Variants in UBR1 observed in about 807,000 individuals in gnomAD.
The protein encoded by UBR1 is E3 ubiquitin-protein ligase UBR1.
UBR1 carries 102 observed loss-of-function variants against 242.1 expected under a neutral mutation model. The ratio of observed to expected loss-of-function variants is 0.42; its 90% CI spans 0.36 to 0.50. The LOEUF (loss-of-function observed/expected upper bound fraction) is 0.50. UBR1 is among the 20% of genes least tolerant of loss of function. The pLI, the probability that UBR1 is intolerant of heterozygous loss-of-function variation, is 0.01. For missense variants in UBR1, 1,772 were observed against 2,101.8 expected (o/e 0.84, Z 3.07); for synonymous variants, 675 against 684.8 (o/e 0.99, Z 0.22).
intron 2 of UBR1, among the ~76,000 whole-genome samples, chr15:43,084,515 G>A (rs1056560316): frequency 1.3e-5 from 2 of 152,204 alleles, no homozygotes; most frequent in Admixed American, 1.3e-4. Context: ...GGAGTGCAGT[G>A]GCACAATCTC....
intron 37 of UBR1, 66 bp from the exon 38 acceptor site, chr15:42,978,013 A>C: frequency 7.7e-7 from 1 of 1,292,300 alleles, no homozygotes; most frequent in Non-Finnish European, 1.1e-6. Context: ...ATAAAATGCA[A>C]GCTAAAAACA....
intron 37 of UBR1, among the ~76,000 whole-genome samples, chr15:42,978,247 AAG>A (rs1227432005): frequency 6.6e-6 from 1 of 152,242 alleles, no homozygotes; most frequent in African/African-American, 2.4e-5. Context: ...AATGAATGAG[AAG>A]AGTTACTTTT....
chr15:43,101,924 C>T (rs952522683), intron 1 of UBR1, among the ~76,000 whole-genome samples: 21 of 144,316 alleles, frequency 1.5e-4, no homozygotes, highest in African/African-American at 5.1e-4. Flanking sequence ...GCCGAGATCT[C>T]GCCACGCACT....
chr15:43,014,659 G>C (rs998481877), intron 29 of UBR1, among the ~76,000 whole-genome samples: 3 of 151,712 alleles, frequency 2.0e-5, no homozygotes, highest in Admixed American at 2.0e-4. Flanking sequence ...CCCCTTCTAA[G>C]AAGTGAGGAG....
At chr15:43,067,337 G>A (rs1567141999) in intron 6 of UBR1, among the ~76,000 whole-genome samples, 1 of 151,794 alleles carries the variant, frequency 6.6e-6, no homozygotes, top group Non-Finnish European at 1.5e-5. Context: ...TAAACCATGC[G>A]GTTTTTAAAA....
intron 33 of UBR1, among the ~76,000 whole-genome samples, chr15:42,993,255 A>C (rs977730832): frequency 2.0e-5 from 3 of 151,958 alleles, no homozygotes; most frequent in African/African-American, 7.2e-5. Context: ...TTAAATTTTG[A>C]CTTTAGTTCC....
At chr15:42,991,160 C>T (rs1382141352) in intron 33 of UBR1, among the ~76,000 whole-genome samples, 1 of 151,846 alleles carries the variant, frequency 6.6e-6, no homozygotes, top group Non-Finnish European at 1.5e-5. Context: ...CCTGTAATCC[C>T]AGTTACCTGA....
chr15:43,028,341 T>C (rs781464186), intron 21 of UBR1, among the ~76,000 whole-genome samples: 10 of 152,220 alleles, frequency 6.6e-5, no homozygotes, highest in Non-Finnish European at 1.2e-4. Flanking sequence ...TAGGGAACAC[T>C]ATTTTTTTAC....
In UBR1 at chr15:42,976,881, A is replaced by C; in HGVS notation, c.4219-14T>G. On this transcript the variant is annotated splice_polypyrimidine_tract_variant and intron_variant, in intron 38 of 46. Coordinates refer to ENST00000290650, the MANE Select transcript of UBR1 (RefSeq NM_174916.3). ...CACAGCACCCACCTATGAGAGAAAAATGGACATCAATATGGCTAATGATAA... is the reference window on the plus strand; with the variant it reads ...CACAGCACCCACCTATGAGAGAAAACTGGACATCAATATGGCTAATGATAA... The C allele has an allele frequency of 2.5e-6, 4 of 1,612,288 alleles. No homozygotes were observed. Among genetic ancestry groups the C allele is most frequent in the Non-Finnish European group, 3.4e-6 (4 of 1,178,976 alleles).
chr15:43,005,394 C>T (rs7162021), intron 30 of UBR1, among the ~76,000 whole-genome samples: 577 of 7,712 alleles, frequency 0.075, 1 homozygote, highest in Middle Eastern at 0.11. Flanking sequence ...AGCCCCCGCC[C>T]GGCCAGCCGC....
intron 10 of UBR1, among the ~76,000 whole-genome samples, chr15:43,057,379 G>C (rs930939572): frequency 6.6e-6 from 1 of 152,026 alleles, no homozygotes; most frequent in African/African-American, 2.4e-5. Flanking sequence ...TCCATCTTGG[G>C]TCCTATATCT....
chr15:43,047,052 C>T (rs1270957446), intron 14 of UBR1, 109 bp downstream of exon 14: 1 of 1,300,550 alleles, frequency 7.7e-7, no homozygotes, highest in Non-Finnish European at 1.1e-6. Flanking sequence ...TAAAAAGCTA[C>T]TATAAATAAT....
chr15:43,080,752 T>C (rs1209251140), intron 3 of UBR1, among the ~76,000 whole-genome samples: 8 of 151,954 alleles, frequency 5.3e-5, no homozygotes, highest in Non-Finnish European at 1.2e-4. Flanking sequence ...GTCAGGAGTT[T>C]GAGACCAGCT....
intron 31 of UBR1, 79 bp downstream of exon 31, chr15:43,003,758 A>G: frequency 3.1e-6 from 4 of 1,277,554 alleles, no homozygotes; most frequent in Non-Finnish European, 4.6e-6. Flanking sequence ...AAGACATGAG[A>G]AAACATGCCT....
At position 43,021,294 on chromosome 15, in the gene UBR1, A is replaced by G; in HGVS notation, c.2921T>C (p.Met974Thr). ...GIPQLEGQKDMITWILQMFDT... is the reference protein window; with the variant it reads ...GIPQLEGQKDTITWILQMFDT... Reference sequence around the variant, plus strand: ...GTTTACCTGAAGTATCCACGTTATCATGTCCTTCTGGCCTTCTAACTGGGG... The same window carrying G: ...GTTTACCTGAAGTATCCACGTTATCGTGTCCTTCTGGCCTTCTAACTGGGG... The change falls in exon 27 of 47, where the codon ATG becomes ACG. Residue 974 changes from methionine to threonine, a missense_variant. Met to Thr is a moderately conservative substitution (Grantham distance 81). Coordinates refer to ENST00000290650, the MANE Select transcript of UBR1 (RefSeq NM_174916.3). 6.2e-7 allele frequency: 1 copy of G among 1,613,708 alleles called. No homozygotes were observed. The highest frequency in any genetic ancestry group is 1.7e-5 in the Admixed American group (1 of 60,012).
chr15:43,098,703 T>C lies in UBR1; in HGVS notation c.81+7239A>G, dbSNP rs146001259. ...TAGTTAGTGGGGCTGAATCAGTCAT[T>C]TTGACTTAGAGTTTTAGAACTCAAT... On this transcript the variant is annotated intron_variant, in intron 1 of 46. Coordinates refer to ENST00000290650, the MANE Select transcript of UBR1 (RefSeq NM_174916.3). Among the ~76,000 whole-genome samples the C allele has an allele frequency of 9.2e-3, 1,407 of 152,260 alleles. 17 individuals are homozygous for C. The highest frequency in any genetic ancestry group is 0.032 in the African/African-American group (1,340 of 41,560).
chr15:43,083,367 A>C (rs1210438095), intron 2 of UBR1, among the ~76,000 whole-genome samples: 4 of 151,970 alleles, frequency 2.6e-5, no homozygotes, highest in Non-Finnish European at 5.9e-5. Flanking sequence ...TGCAAAGTGC[A>C]GGATTATTAT....
At chr15:43,069,341 A>G (rs2033794919) in intron 5 of UBR1, among the ~76,000 whole-genome samples, 1 of 151,782 alleles carries the variant, frequency 6.6e-6, no homozygotes, top group Non-Finnish European at 1.5e-5. Context: ...CAGTGGCGCA[A>G]TCTCGGCTCA....
chr15:42,981,434 C>T (rs533558544), intron 37 of UBR1, among the ~76,000 whole-genome samples: 255 of 152,268 alleles, frequency 1.7e-3, no homozygotes, highest in Non-Finnish European at 1.9e-3. Flanking sequence ...AGTTCAAATC[C>T]TACCCTGTTA....
Sources: gnomAD v4.1 joint callset for allele counts (sites outside exome capture counted in the v4.1 genomes callset) on GRCh38, gnomAD v4.1.1 for gene constraint, MANE v1.5 for transcripts, NCBI Gene and HGNC (gene_info 2026-07-23, HGNC 2026-07-21) for gene names.